DGKB: variants seen among roughly 807,000 people sequenced by gnomAD.
DGKB encodes 90 kDa diacylglycerol kinase.
A neutral mutation model predicts 114.3 loss-of-function variants in DGKB; 67 were observed. The observed-to-expected ratio is 0.59, with a 90% CI of 0.48 to 0.72. The LOEUF is 0.72. Ranked by LOEUF, DGKB falls within the 30% of genes least tolerant of loss-of-function variation. The pLI is 0.00. For missense variants in DGKB, 907 were observed against 975.2 expected (o/e 0.93, Z 0.93); for synonymous variants, 398 against 323.1 (o/e 1.23, Z -2.49).
chr7:14,462,153 T>A (rs746953137), intron 21 of DGKB, among the ~76,000 whole-genome samples: 1 of 152,186 alleles, frequency 6.6e-6, no homozygotes, highest in African/African-American at 2.4e-5. Flanking sequence ...AATATCCTAC[T>A]GAATGGGCAA....
At chr7:14,718,434 T>G in intron 6 of DGKB, 108 bp downstream of exon 6, 1 of 994,570 alleles carries the variant, frequency 1.0e-6, no homozygotes, top group Middle Eastern at 2.8e-4. Context: ...GATCACTTTA[T>G]TCAACAAAAA....
intron 2 of DGKB, chr7:14,814,108 A>T (rs1046433418): frequency 6.6e-6 from 1 of 152,184 alleles, no homozygotes; most frequent in Non-Finnish European, 1.5e-5. Context: ...TCCACCCAAG[A>T]TGGGTAATCC....
intron 23 of DGKB, among the ~76,000 whole-genome samples, chr7:14,290,058 C>A (rs1801513247): frequency 6.6e-6 from 1 of 152,092 alleles, no homozygotes; most frequent in African/African-American, 2.4e-5. Context: ...ACAACATGGG[C>A]AACATGCAAC....
rs35486620 is a variant in DGKB, at chr7:14,696,501, C to CAAAAA, written c.591+1589_591+1593dup. Among the ~76,000 whole-genome samples, 78 of 45,068 alleles carry CAAAAA rather than the reference C, an allele frequency of 1.7e-3. 1 individual carries two copies. Among genetic ancestry groups the CAAAAA allele is most frequent in the Admixed American group, 2.9e-3 (6 of 2,052 alleles). The allele number at this position is 45,068 out of a possible 152,430, so 29.6% of individuals were successfully genotyped here. ...TGGGCGACAGAGCGAGACTCCGTCT[C>CAAAAA]AAAAAAAAAAAAAAAAAAAAAAAAA... On this transcript the variant is annotated intron_variant, in intron 8 of 25. Transcript: ENST00000402815.
chr7:14,903,563 T>C (rs1783457597), upstream of DGKB, among the ~76,000 whole-genome samples: 1 of 152,164 alleles, frequency 6.6e-6, no homozygotes, highest in African/African-American at 2.4e-5. Context: ...TGGGTCATTG[T>C]TCAGCAACCA....
intron 23 of DGKB, among the ~76,000 whole-genome samples, chr7:14,290,749 AAACATCTCTGTGGAC>A (rs1232994125): frequency 6.6e-6 from 1 of 152,190 alleles, no homozygotes; most frequent in Non-Finnish European, 1.5e-5. Context: ...CCTGTCAAGA[AAACATCTCTGTGGAC>A]AATAATATAG....
At chr7:14,667,847 G>A (rs1818305706) in intron 13 of DGKB, among the ~76,000 whole-genome samples, 2 of 151,946 alleles carry the variant, frequency 1.3e-5, no homozygotes, top group South Asian at 2.1e-4. Context: ...CTTTTAATTC[G>A]GACTTAGCTA....
intron 1 of DGKB, among the ~76,000 whole-genome samples, chr7:14,853,327 G>C (rs574041843): frequency 2.0e-5 from 3 of 151,930 alleles, no homozygotes; most frequent in African/African-American, 7.3e-5. Context: ...TGAAAGCATT[G>C]CCTTATACCT....
intron 23 of DGKB, among the ~76,000 whole-genome samples, chr7:14,202,705 C>CTAT (rs1471645534): frequency 2.5e-4 from 38 of 152,002 alleles, no homozygotes; most frequent in African/African-American, 8.9e-4. Context: ...CAATTTGATA[C>CTAT]TATTATTAAA....
At chr7:14,847,231 C>T (rs938461768) in intron 1 of DGKB, among the ~76,000 whole-genome samples, 59 of 145,282 alleles carry the variant, frequency 4.1e-4, no homozygotes, top group African/African-American at 1.3e-3. Flanking sequence ...GCGGAGCTTG[C>T]AGTGAGCCGA....
At chr7:14,294,813 T>A (rs554327649) in intron 23 of DGKB, among the ~76,000 whole-genome samples, 1 of 152,288 alleles carries the variant, frequency 6.6e-6, no homozygotes, top group African/African-American at 2.4e-5. Context: ...GCCTTTCAAG[T>A]GACTCACTAG....
At chr7:14,196,165 T>C (rs2128281540) in intron 23 of DGKB, among the ~76,000 whole-genome samples, 1 of 152,204 alleles carries the variant, frequency 6.6e-6, no homozygotes, top group Middle Eastern at 3.4e-3. Context: ...TAAGGAGTTT[T>C]GCTGTTAATG....
At chr7:14,334,071 A>C (rs1170889224) in intron 23 of DGKB, among the ~76,000 whole-genome samples, 2 of 152,138 alleles carry the variant, frequency 1.3e-5, no homozygotes, top group East Asian at 3.8e-4. Flanking sequence ...TATGAGGAAA[A>C]ATACATCTTA....
At chr7:14,666,698 C>T (rs763531712) in intron 13 of DGKB, among the ~76,000 whole-genome samples, 10 of 151,624 alleles carry the variant, frequency 6.6e-5, no homozygotes, top group Non-Finnish European at 1.3e-4. Flanking sequence ...AGGAAATCTA[C>T]CTTTGTAAAC....
At position 14,685,920 on chromosome 7, in the gene DGKB, T is replaced by A. The variant is rs888037357; in HGVS notation, c.712-558A>T. On this transcript the variant is annotated intron_variant, in intron 9 of 25. Coordinates refer to ENST00000402815, the MANE Select transcript of DGKB (RefSeq NM_001350709.2). ...ACATACTAGGGCTTCATTCGAGGAGTCCTTATACTATATTCCAATTTATAT... is the reference window on the plus strand; with the variant it reads ...ACATACTAGGGCTTCATTCGAGGAGACCTTATACTATATTCCAATTTATAT... Among the ~76,000 whole-genome samples, 7 of 152,028 alleles carry A rather than the reference T, an allele frequency of 4.6e-5. No individual in the cohort carries two copies. The South Asian group carries it at 1.5e-3, about 32-fold the overall frequency.
chr7:14,789,482 A>G (rs895742974), intron 2 of DGKB, among the ~76,000 whole-genome samples: 2 of 152,186 alleles, frequency 1.3e-5, no homozygotes, highest in African/African-American at 4.8e-5. Flanking sequence ...AGTGTCCTTA[A>G]GCATTCACCA....
At chr7:14,515,143 A>G (rs1191329456) in intron 20 of DGKB, among the ~76,000 whole-genome samples, 1 of 152,238 alleles carries the variant, frequency 6.6e-6, no homozygotes, top group Admixed American at 6.5e-5. Flanking sequence ...AACAATTGTT[A>G]GGTTTAGAGG....
At chr7:14,327,857 T>A (rs1809020846) in intron 23 of DGKB, among the ~76,000 whole-genome samples, 2 of 152,272 alleles carry the variant, frequency 1.3e-5, no homozygotes, top group Admixed American at 6.5e-5. Flanking sequence ...CATTATTTCA[T>A]TTTTGCTCAA....
chr7:14,199,568 A>G (rs1001087952), intron 23 of DGKB, among the ~76,000 whole-genome samples: 1 of 152,020 alleles, frequency 6.6e-6, no homozygotes, highest in South Asian at 2.1e-4. Context: ...TAAAATCCAC[A>G]TGGTCACATT....
Sources: allele counts gnomAD v4.1 joint callset (sites outside exome capture counted in the v4.1 genomes callset), GRCh38; gene constraint gnomAD v4.1.1; transcripts MANE v1.5; gene names NCBI Gene and HGNC (gene_info 2026-07-23, HGNC 2026-07-21).